ITGB5: variants seen among roughly 807,000 people sequenced by gnomAD.
ITGB5 encodes the protein integrin subunit beta 5.
In ITGB5, 38 loss-of-function variants were observed where a neutral mutation model predicts 84.8. The ratio of observed to expected loss-of-function variants is 0.45; its 90% confidence interval spans 0.35 to 0.59. ITGB5 has a LOEUF of 0.59. Among genes scored for constraint, ITGB5 ranks in the 20% least tolerant of loss-of-function variants. The pLI is 0.01. For missense variants in ITGB5, 905 were observed against 1,034.5 expected, an observed-to-expected ratio of 0.87 and a Z score of 1.72; for synonymous variants, 393 against 414.4, an observed-to-expected ratio of 0.95 and a Z score of 0.63.
At chr3:124,886,746 C>T (rs113694686) in intron 1 of ITGB5, among the ~76,000 whole-genome samples, 185 bp downstream of exon 1, 1 of 151,728 alleles carries the variant, frequency 6.6e-6, no homozygotes, top group African/African-American at 2.4e-5. Flanking sequence ...CTCACGACAG[C>T]CCGGCGGGGC....
intron 10 of ITGB5, 126 bp from the exon 11 acceptor site, chr3:124,774,038 C>G: frequency 1.2e-6 from 1 of 847,026 alleles, no homozygotes; most frequent in Non-Finnish European, 1.9e-6. Flanking sequence ...GCCCTCAGAG[C>G]CTGTTTGGGG....
intron 2 of ITGB5, among the ~76,000 whole-genome samples, chr3:124,864,261 C>G (rs532403856): frequency 6.6e-6 from 1 of 151,492 alleles, no homozygotes; most frequent in Non-Finnish European, 1.5e-5. Context: ...TGCCCGCCAC[C>G]ACGCCCAGTT....
intron 10 of ITGB5, among the ~76,000 whole-genome samples, chr3:124,786,594 C>T (rs544911028): frequency 1.3e-5 from 2 of 152,042 alleles, no homozygotes; most frequent in Admixed American, 6.5e-5. Flanking sequence ...TCCTCTGGGT[C>T]AGAGAACAAC....
In ITGB5 at chr3:124,868,831, G is replaced by GA. The variant is rs11447024; in HGVS notation, c.156+4614dup. ...ATAAATTAACTAAATGATTAAAAATGAAAAAAAAAGTAAACAAAAGCAAGA... is the reference window on the plus strand; with the variant it reads ...ATAAATTAACTAAATGATTAAAAATGAAAAAAAAAAGTAAACAAAAGCAAGA... On this transcript the variant is annotated intron_variant, in intron 2 of 14. Coordinates refer to ENST00000296181, the MANE Select transcript of ITGB5 (RefSeq NM_002213.5). Among the ~76,000 whole-genome samples the GA allele has an allele frequency of 9.4e-3, 1,416 of 150,250 alleles. 30 individuals are homozygous for GA. The highest frequency in any genetic ancestry group is 0.032 in the African/African-American group (1,312 of 40,930).
chr3:124,890,773 T>C (rs1007708199), upstream of ITGB5, among the ~76,000 whole-genome samples: 1 of 152,198 alleles, frequency 6.6e-6, no homozygotes, highest in Non-Finnish European at 1.5e-5. Flanking sequence ...CTCTAAATCC[T>C]GAGTGATCCA....
chr3:124,764,414 G>A lies in ITGB5; in HGVS notation c.2281C>T (p.Arg761Ter), dbSNP rs759440261. Residue 761 changes from arginine to a stop codon, truncating the protein, a stop_gained, in exon 14 of 15, where the codon CGA becomes TGA. Transcript: ENST00000296181. LOFTEE classifies it high-confidence loss of function. Reference protein sequence around the residue: ...RREFAKFQSERSRARYEMASN... With the variant: ...RREFAKFQSE ...ACCATTTCATAGCGGGCCCTGGATCGCTCGCTCTGAAACTTTGCAAACTCC... is the reference window on the plus strand; with the variant it reads ...ACCATTTCATAGCGGGCCCTGGATCACTCGCTCTGAAACTTTGCAAACTCC... 6.2e-6 allele frequency: 10 copies of A among 1,612,132 alleles called. No individual in the cohort carries two copies. The highest frequency in any genetic ancestry group is 6.8e-6 in the Non-Finnish European group (8 of 1,178,506).
intron 1 of ITGB5, among the ~76,000 whole-genome samples, chr3:124,884,253 C>T (rs1315019204): frequency 6.6e-6 from 1 of 151,532 alleles, no homozygotes; most frequent in African/African-American, 2.4e-5. Context: ...GAAGTTAATT[C>T]AGCAACACTG....
At chr3:124,832,517 A>C (rs1283609916) in intron 5 of ITGB5, among the ~76,000 whole-genome samples, 1 of 152,236 alleles carries the variant, frequency 6.6e-6, no homozygotes, top group Non-Finnish European at 1.5e-5. Flanking sequence ...CAACAGCATC[A>C]TTAGCACCAG....
At chr3:124,845,184 G>T (rs1029440361) in intron 4 of ITGB5, among the ~76,000 whole-genome samples, 1 of 152,346 alleles carries the variant, frequency 6.6e-6, no homozygotes, top group Non-Finnish European at 1.5e-5. Flanking sequence ...TGTAATCTCA[G>T]CACTTTGGGA....
intron 2 of ITGB5, among the ~76,000 whole-genome samples, chr3:124,867,500 A>G (rs1268942000): frequency 1.3e-5 from 2 of 152,180 alleles, no homozygotes; most frequent in African/African-American, 2.4e-5. Flanking sequence ...TCTCACAGGG[A>G]GCACTGATCC....
intron 6 of ITGB5, among the ~76,000 whole-genome samples, chr3:124,820,489 G>A (rs997169730): frequency 5.9e-5 from 9 of 152,110 alleles, no homozygotes; most frequent in African/African-American, 1.9e-4. Flanking sequence ...CATCTGGTGA[G>A]GTCCTACAGT....
chr3:124,818,647 G>A (rs1162067289), intron 7 of ITGB5, among the ~76,000 whole-genome samples: 1 of 151,482 alleles, frequency 6.6e-6, no homozygotes, highest in African/African-American at 2.4e-5. Context: ...CCCGGTAGCT[G>A]GGATTGTAGG....
rs145196744 is a variant in ITGB5 at position 124,781,657 on chromosome 3, G to A, written c.1694-7745C>T. Among the ~76,000 whole-genome samples, 979 of 152,240 alleles carry A rather than the reference G, an allele frequency of 6.4e-3. 2 individuals carry two copies. Among genetic ancestry groups the A allele is most frequent in the Non-Finnish European group, 0.01 (681 of 68,012 alleles). On this transcript the variant is annotated intron_variant, in intron 10 of 14. Coordinates refer to ENST00000296181, the MANE Select transcript of ITGB5 (RefSeq NM_002213.5). Reference sequence around the variant, plus strand: ...TTTGTTCTCACCATGGGTTTCCTGCGCTTGTAAACAGCATTACCATGCCTG... The same window carrying A: ...TTTGTTCTCACCATGGGTTTCCTGCACTTGTAAACAGCATTACCATGCCTG...
chr3:124,778,270 G>T (rs1559928061), intron 10 of ITGB5, among the ~76,000 whole-genome samples: 1 of 152,230 alleles, frequency 6.6e-6, no homozygotes, highest in Non-Finnish European at 1.5e-5. Flanking sequence ...TAGCCAAATG[G>T]ACAGGAAGTT....
intron 5 of ITGB5, among the ~76,000 whole-genome samples, chr3:124,839,031 G>A (rs957369728): frequency 6.6e-6 from 1 of 152,208 alleles, no homozygotes; most frequent in African/African-American, 2.4e-5. Flanking sequence ...TGTTTTATAA[G>A]TAGGTGATGT....
intron 1 of ITGB5, among the ~76,000 whole-genome samples, chr3:124,876,302 G>A (rs888612782): frequency 6.6e-6 from 1 of 151,492 alleles, no homozygotes; most frequent in Non-Finnish European, 1.5e-5. Flanking sequence ...CCATAAAGCT[G>A]GAAAAAGAAA....
At chr3:124,824,386 CA>C (rs1273773725) in intron 5 of ITGB5, among the ~76,000 whole-genome samples, 2 of 152,288 alleles carry the variant, frequency 1.3e-5, no homozygotes, top group Non-Finnish European at 2.9e-5. Flanking sequence ...AAAATTAACT[CA>C]AAGTGGATCA....
chr3:124,819,156 C>T (rs1258462076), intron 7 of ITGB5, among the ~76,000 whole-genome samples: 4 of 152,216 alleles, frequency 2.6e-5, no homozygotes, highest in Non-Finnish European at 4.4e-5. Flanking sequence ...GCTCTATTCA[C>T]TCAGGACACT....
chr3:124,874,497 C>T (rs528368316), intron 1 of ITGB5, among the ~76,000 whole-genome samples: 1 of 152,104 alleles, frequency 6.6e-6, no homozygotes, highest in Admixed American at 6.5e-5. Context: ...AAAAACAATC[C>T]TAAAATTTTT....
Sources: allele counts gnomAD v4.1 joint callset (sites outside exome capture counted in the v4.1 genomes callset), GRCh38; gene constraint gnomAD v4.1.1; transcripts MANE v1.5; gene names NCBI Gene and HGNC (gene_info 2026-07-23, HGNC 2026-07-21).